The following KIAA1217 variants were observed in gnomAD, a reference collection of about 807,000 sequenced individuals.
KIAA1217 encodes KIAA1217.
Under a neutral mutation model 163.9 loss-of-function variants are expected in KIAA1217, and 88 were observed. That is an observed-to-expected ratio of 0.54 (90% CI 0.45 to 0.64). The LOEUF is 0.64. Among genes scored for constraint, KIAA1217 ranks in the 30% least tolerant of loss-of-function variants. KIAA1217 has a pLI of 0.00. For missense variants in KIAA1217, 2,372 were observed against 2,475.0 expected (o/e 0.96, Z 0.88); for synonymous variants, 903 against 923.1 (o/e 0.98, Z 0.39).
chr10:24,070,114 T>C (rs1227144155), intron 2 of KIAA1217, among the ~76,000 whole-genome samples: 1 of 152,128 alleles, frequency 6.6e-6, no homozygotes, highest in African/African-American at 2.4e-5. Context: ...AAATTTCTTA[T>C]AATGTAGCAT....
chr10:23,916,624 G>C (rs572178157), intron 1 of KIAA1217, among the ~76,000 whole-genome samples: 1 of 152,252 alleles, frequency 6.6e-6, no homozygotes, highest in African/African-American at 2.4e-5. Context: ...GTGGTGATTG[G>C]AGAGTTTCTT....
intron 2 of KIAA1217, among the ~76,000 whole-genome samples, chr10:24,250,855 C>T (rs1029470140): frequency 6.7e-5 from 10 of 150,202 alleles, no homozygotes; most frequent in East Asian, 4.0e-4. Flanking sequence ...TTAAGGAGGT[C>T]GAGAGAGCAG....
At chr10:23,719,825 G>C (rs1258539311) in intron 1 of KIAA1217, among the ~76,000 whole-genome samples, 4 of 151,756 alleles carry the variant, frequency 2.6e-5, no homozygotes, top group Admixed American at 2.0e-4. Flanking sequence ...GGCTGAGGAG[G>C]ATCTCTTGAA....
chr10:24,382,382 A>T (rs755902880), intron 3 of KIAA1217, among the ~76,000 whole-genome samples: 1 of 152,174 alleles, frequency 6.6e-6, no homozygotes, highest in Non-Finnish European at 1.5e-5. Context: ...TTTGCTGCAG[A>T]TAATGACCCA....
At chr10:23,863,004 A>T (rs774557581) in intron 1 of KIAA1217, among the ~76,000 whole-genome samples, 1 of 152,086 alleles carries the variant, frequency 6.6e-6, no homozygotes, top group South Asian at 2.1e-4. Flanking sequence ...ATGTTTCCAG[A>T]TTCTTAGCGA....
At chr10:24,139,145 T>A (rs2063950771) in intron 2 of KIAA1217, among the ~76,000 whole-genome samples, 1 of 152,148 alleles carries the variant, frequency 6.6e-6, no homozygotes, top group Non-Finnish European at 1.5e-5. Context: ...CAAAATATAT[T>A]GATTGCTGTT....
chr10:24,524,505 C>T lies in KIAA1217; in HGVS notation c.2639C>T (p.Ser880Phe). The change falls in exon 13 of 21, where the codon TCC (serine) becomes TTC (phenylalanine). Residue 880 changes from serine to phenylalanine, a missense_variant. Around this residue, in one of 3 missense-constraint regions of KIAA1217, gnomAD observed 1,431 missense variants for 1,470.3 expected, o/e 0.97. Coordinates refer to ENST00000376454, the MANE Select transcript of KIAA1217 (RefSeq NM_019590.5). ...GCGAAGTCGGAAGTGGTGCCTTTGTCCGGCATGATGGTTCGCCACGCGCAG... is the reference window on the plus strand; with the variant it reads ...GCGAAGTCGGAAGTGGTGCCTTTGTTCGGCATGATGGTTCGCCACGCGCAG... ...GDAKSEVVPL[S>F]GMMVRHAQSS... is the part of the protein sequence containing the mutation. 1 of 1,614,164 alleles carries T rather than the reference C, an allele frequency of 6.2e-7. No homozygotes were observed. Among genetic ancestry groups the T allele is most frequent in the Non-Finnish European group, 8.5e-7 (1 of 1,180,048 alleles).
intron 1 of KIAA1217, among the ~76,000 whole-genome samples, chr10:23,726,220 A>T (rs1838121779): frequency 6.7e-6 from 1 of 150,224 alleles, no homozygotes; most frequent in Non-Finnish European, 1.5e-5. Flanking sequence ...TGTAGTATTA[A>T]CCTCTATAAA....
chr10:24,286,840 A>G (rs1321547532), intron 2 of KIAA1217, among the ~76,000 whole-genome samples: 1 of 152,154 alleles, frequency 6.6e-6, no homozygotes, highest in African/African-American at 2.4e-5. Flanking sequence ...TATGACAAAC[A>G]AAAATACCCA....
At chr10:24,138,939 T>C (rs946087915) in intron 2 of KIAA1217, among the ~76,000 whole-genome samples, 1 of 152,146 alleles carries the variant, frequency 6.6e-6, no homozygotes, top group African/African-American at 2.4e-5. Flanking sequence ...TGAATTTTTG[T>C]GTCTAATTTT....
chr10:23,954,966 G>T (rs959628461), intron 1 of KIAA1217, among the ~76,000 whole-genome samples: 10 of 152,134 alleles, frequency 6.6e-5, no homozygotes, highest in African/African-American at 2.2e-4. Flanking sequence ...ATGGTATCTA[G>T]ATTAAGTTAC....
chr10:24,117,681 G>T (rs12261177), intron 2 of KIAA1217, among the ~76,000 whole-genome samples: 4,164 of 152,156 alleles, frequency 0.027, 182 homozygotes, highest in African/African-American at 0.095. Context: ...CACTATTTCT[G>T]GTTTTGTTTT....
At position 24,545,031 on chromosome 10, in the gene KIAA1217, C is replaced by G; in HGVS notation, c.5262C>G (p.Ala1754=). ...QTSRMPVPMS[A]KNRPGTLDKP... is the part of the protein sequence containing the mutation. Reference sequence around the variant, plus strand: ...GCAGGATGCCTGTCCCCATGAGTGCCAAGAACAGACCCGGAACCCTGGACA... The same window carrying G: ...GCAGGATGCCTGTCCCCATGAGTGCGAAGAACAGACCCGGAACCCTGGACA... The change falls in exon 20 of 21, where the codon GCC becomes GCG. Residue 1754 remains alanine (A), a synonymous_variant. Coordinates refer to ENST00000376454, the MANE Select transcript of KIAA1217 (RefSeq NM_019590.5). 1 of 1,614,086 alleles carries G rather than the reference C, an allele frequency of 6.2e-7. No homozygotes were observed. Among genetic ancestry groups the G allele is most frequent in the Middle Eastern group, 1.6e-4 (1 of 6,062 alleles).
intron 2 of KIAA1217, among the ~76,000 whole-genome samples, chr10:24,354,801 A>T (rs1219599305): frequency 8.7e-6 from 1 of 115,036 alleles, no homozygotes; most frequent in African/African-American, 4.3e-5. Flanking sequence ...CTTGGGGTTT[A>T]TATGGGTACA....
At chr10:23,922,108 A>G (rs1842871308) in intron 1 of KIAA1217, among the ~76,000 whole-genome samples, 1 of 152,084 alleles carries the variant, frequency 6.6e-6, no homozygotes, top group African/African-American at 2.4e-5. Flanking sequence ...AATTTAATCA[A>G]TCATGACTAC....
At chr10:23,720,768 T>C (rs1003380800) in intron 1 of KIAA1217, among the ~76,000 whole-genome samples, 4 of 152,170 alleles carry the variant, frequency 2.6e-5, no homozygotes, top group Non-Finnish European at 4.4e-5. Context: ...TAGTCTGTCC[T>C]GGTATTGGAA....
At chr10:23,915,377 G>T (rs2131278359) in intron 1 of KIAA1217, among the ~76,000 whole-genome samples, 1 of 152,200 alleles carries the variant, frequency 6.6e-6, no homozygotes, top group Middle Eastern at 3.4e-3. Context: ...AGTCGTGGAT[G>T]TTTCATACAG....
intron 9 of KIAA1217, among the ~76,000 whole-genome samples, chr10:24,503,178 A>G (rs1250283423): frequency 1.3e-5 from 2 of 152,178 alleles, no homozygotes; most frequent in African/African-American, 2.4e-5. Context: ...TCTGCCTACC[A>G]GAAAACACAC....
rs1051819346 is a variant in KIAA1217 at position 24,545,268 on chromosome 10, T to C, written c.5334+165T>C. 6 of 1,422,180 alleles carry C rather than the reference T, an allele frequency of 4.2e-6. No individual in the cohort carries two copies. The African/African-American group carries it at 4.3e-5, about 10-fold the overall frequency. 88.1% of individuals were successfully genotyped at this position (1,422,180 alleles called of 1,614,324 possible). ...GTCTAAATAAACCTTTGTTACACTT[T>C]TTTACCACGCTTTTGCATGCTTGCA... On this transcript the variant is annotated intron_variant, in intron 20 of 20. Coordinates refer to ENST00000376454, the MANE Select transcript of KIAA1217 (RefSeq NM_019590.5).
Sources: gnomAD v4.1 joint callset for allele counts (sites outside exome capture counted in the v4.1 genomes callset) on GRCh38, gnomAD v4.1.1 for gene constraint, gnomAD v4.1.1 regional missense constraint, MANE v1.5 for transcripts, NCBI Gene and HGNC (gene_info 2026-07-23, HGNC 2026-07-21) for gene names.